Variants in RIMS1 observed in about 807,000 individuals in gnomAD.
RIMS1 encodes regulating synaptic membrane exocytosis protein 1.
In RIMS1, 83 loss-of-function variants were observed where a neutral mutation model predicts 214.1. That is an observed-to-expected ratio of 0.39 (90% confidence interval 0.32 to 0.47). The LOEUF is 0.47. RIMS1 is among the 20% of genes least tolerant of loss of function. RIMS1 has a pLI of 0.99. For synonymous variants in RIMS1, 793 were observed against 786.8 expected, an observed-to-expected ratio of 1.01 and a Z score of -0.13; for missense variants, 2,050 against 2,161.8, an observed-to-expected ratio of 0.95 and a Z score of 1.03.
At chr6:72,117,931 G>A (rs965231350) in intron 4 of RIMS1, among the ~76,000 whole-genome samples, 5 of 151,540 alleles carry the variant, frequency 3.3e-5, no homozygotes, top group African/African-American at 1.2e-4. Flanking sequence ...AAAGATCAGA[G>A]CAAAACTAAA....
chr6:72,092,715 G>C (rs369061532), intron 2 of RIMS1, among the ~76,000 whole-genome samples: 85 of 152,266 alleles, frequency 5.6e-4, no homozygotes, highest in African/African-American at 1.9e-3. Flanking sequence ...TTGGGATGAA[G>C]CACTTGGTGA....
intron 2 of RIMS1, among the ~76,000 whole-genome samples, chr6:72,054,556 G>A (rs950532254): frequency 8.5e-5 from 13 of 152,170 alleles, no homozygotes; most frequent in South Asian, 4.2e-4. Context: ...GTGTACAAGC[G>A]TTCCTATTTC....
At chr6:72,057,366 TCATTAG>T (rs1300462905) in intron 2 of RIMS1, among the ~76,000 whole-genome samples, 1 of 152,154 alleles carries the variant, frequency 6.6e-6, no homozygotes, top group African/African-American at 2.4e-5. Flanking sequence ...TAAAAGAGAA[TCATTAG>T]CAGTGTTTGG....
intron 30 of RIMS1, 22 bp from the exon 31 acceptor site, chr6:72,392,676 G>T (rs569453825): frequency 5.8e-6 from 9 of 1,540,338 alleles, no homozygotes; most frequent in Admixed American, 3.3e-5. Context: ...TTTTCCTTTG[G>T]TTTTTATCCT....
intron 4 of RIMS1, among the ~76,000 whole-genome samples, chr6:72,170,064 C>T (rs2046810511): frequency 6.6e-6 from 1 of 152,202 alleles, no homozygotes; most frequent in African/African-American, 2.4e-5. Flanking sequence ...CGACCTGAAC[C>T]ATCACTTACT....
At chr6:72,152,016 A>T (rs2043666276) in intron 4 of RIMS1, among the ~76,000 whole-genome samples, 1 of 152,138 alleles carries the variant, frequency 6.6e-6, no homozygotes, top group Non-Finnish European at 1.5e-5. Context: ...CCATGAACTC[A>T]TAAGGAGGAC....
chr6:71,898,265 A>T (rs969980171), intron 1 of RIMS1, among the ~76,000 whole-genome samples: 6 of 152,160 alleles, frequency 3.9e-5, no homozygotes, highest in Non-Finnish European at 5.9e-5. Context: ...TAGTACTGTT[A>T]GTTTTCTGAT....
chr6:72,134,886 T>C (rs1396173070), intron 4 of RIMS1, among the ~76,000 whole-genome samples: 1 of 152,128 alleles, frequency 6.6e-6, no homozygotes, highest in Non-Finnish European at 1.5e-5. Flanking sequence ...ATGTTTTAGA[T>C]GTTTTGAGTA....
chr6:72,095,770 G>A (rs2031399634), intron 2 of RIMS1, among the ~76,000 whole-genome samples: 2 of 152,216 alleles, frequency 1.3e-5, no homozygotes, highest in Admixed American at 1.3e-4. Context: ...GTTCCTCACA[G>A]TTATCTTAGA....
At chr6:72,255,002 A>C (rs1355408377) in intron 16 of RIMS1, among the ~76,000 whole-genome samples, 1 of 126,402 alleles carries the variant, frequency 7.9e-6, no homozygotes, top group Non-Finnish European at 1.7e-5. Flanking sequence ...GATAAGTAAT[A>C]TTTTATGTTT....
At chr6:72,090,773 G>A (rs921569674) in intron 2 of RIMS1, among the ~76,000 whole-genome samples, 9 of 152,152 alleles carry the variant, frequency 5.9e-5, no homozygotes, top group Admixed American at 3.9e-4. Context: ...GTGAATTTAT[G>A]TTCAACAGTG....
chr6:72,230,367 A>G (rs2061562089), intron 6 of RIMS1, among the ~76,000 whole-genome samples: 1 of 151,722 alleles, frequency 6.6e-6, no homozygotes. Context: ...TTTGGGACAG[A>G]TAAGCTTTCC....
intron 2 of RIMS1, among the ~76,000 whole-genome samples, chr6:72,080,659 A>G (rs1198713147): frequency 1.3e-5 from 2 of 152,290 alleles, no homozygotes; most frequent in South Asian, 2.1e-4. Flanking sequence ...GCCCTTGCTC[A>G]GTCCATTCCT....
chr6:72,056,420 G>A (rs1332888483), intron 2 of RIMS1, among the ~76,000 whole-genome samples: 1 of 152,052 alleles, frequency 6.6e-6, no homozygotes, highest in African/African-American at 2.4e-5. Flanking sequence ...TAAAATAAAA[G>A]TTAAAACATA....
intron 2 of RIMS1, among the ~76,000 whole-genome samples, chr6:71,981,985 G>A (rs1267195940): frequency 1.3e-5 from 2 of 151,126 alleles, no homozygotes; most frequent in African/African-American, 4.9e-5. Context: ...TTTGAATACT[G>A]AATGCCAATT....
chr6:72,161,950 T>C (rs1588300517), intron 4 of RIMS1, among the ~76,000 whole-genome samples: 2 of 141,042 alleles, frequency 1.4e-5, no homozygotes, highest in Non-Finnish European at 3.2e-5. Flanking sequence ...CCTTGTTAAC[T>C]TTCTGTCTTG....
intron 6 of RIMS1, among the ~76,000 whole-genome samples, chr6:72,218,661 A>C (rs1212007415): frequency 6.6e-6 from 1 of 152,148 alleles, no homozygotes; most frequent in African/African-American, 2.4e-5. Context: ...GTTGATGTTT[A>C]TACTTGCTGT....
chr6:72,286,233 G>A (rs2092272489), intron 24 of RIMS1, among the ~76,000 whole-genome samples: 1 of 151,958 alleles, frequency 6.6e-6, no homozygotes, highest in Admixed American at 6.6e-5. Flanking sequence ...AGTGACTACT[G>A]TGTGTAGTTA....
At chr6:72,250,589 GA>G (rs2072814836) in intron 13 of RIMS1, 129 bp downstream of exon 13, 5 of 636,498 alleles carry the variant, frequency 7.9e-6, no homozygotes, top group Non-Finnish European at 1.3e-5. Flanking sequence ...CATTATCTCT[GA>G]AAAAAGAAGT....
Sources: allele counts gnomAD v4.1 joint callset (sites outside exome capture counted in the v4.1 genomes callset), GRCh38; gene constraint gnomAD v4.1.1; transcripts MANE v1.5; gene names NCBI Gene and HGNC (gene_info 2026-07-23, HGNC 2026-07-21).